The following TERF2IP variants were observed in gnomAD, a reference collection of about 807,000 sequenced individuals.
TERF2IP encodes TERF2 interacting protein.
TERF2IP carries 35 observed loss-of-function variants against 33.3 expected under a neutral mutation model. The observed-to-expected ratio is 1.05, with a 90% CI of 0.80 to 1.39. The LOEUF (loss-of-function observed/expected upper bound fraction) is 1.39. TERF2IP is among the 40% of genes most tolerant of loss of function. TERF2IP has a pLI of 0.00. For missense variants in TERF2IP, 583 were observed against 524.8 expected (o/e 1.11, Z -1.08); for synonymous variants, 253 against 223.2 (o/e 1.13, Z -1.19).
intron 1 of TERF2IP, among the ~76,000 whole-genome samples, chr16:75,652,770 CATT>C (rs1332050673): frequency 2.0e-5 from 3 of 152,112 alleles, no homozygotes; most frequent in Non-Finnish European, 4.4e-5. Context: ...TGTTCAGTGG[CATT>C]ATTAAGTGCA....
Position 75,656,632 on chromosome 16 carries a change from GAA to G in TERF2IP, c.*26_*27del. On this transcript the variant is annotated 3_prime_UTR_variant, in exon 3 of 3. Coordinates refer to ENST00000300086, the MANE Select transcript of TERF2IP (RefSeq NM_018975.4). Reference sequence around the variant, plus strand: ...AATAATTGGCAAGATAATGAGAAAAGAAAAAAGTCATGGTAGGTGAGGTGGTT... The same window carrying G: ...AATAATTGGCAAGATAATGAGAAAAGAAAAGTCATGGTAGGTGAGGTGGTT... The G allele has an allele frequency of 6.4e-7, 1 of 1,567,468 alleles. No individual in the cohort carries two copies. The highest frequency in any genetic ancestry group is 8.6e-7 in the Non-Finnish European group (1 of 1,159,482).
intron 2 of TERF2IP, among the ~76,000 whole-genome samples, chr16:75,654,907 T>A (rs562176272): frequency 9.0e-4 from 137 of 152,268 alleles, no homozygotes; most frequent in African/African-American, 3.1e-3. Context: ...TATTTGTATT[T>A]TTAGTAGAGA....
intron 2 of TERF2IP, 134 bp from the exon 3 acceptor site, chr16:75,656,073 A>T: frequency 4.8e-6 from 4 of 828,534 alleles, no homozygotes. Flanking sequence ...AACACAGCAT[A>T]TTAAGAGGAA....
chr16:75,648,752 T>C, intron 1 of TERF2IP, 200 bp downstream of exon 1: 1 of 1,400,062 alleles, frequency 7.1e-7, no homozygotes, highest in Non-Finnish European at 9.3e-7. Flanking sequence ...TTGCGATGGG[T>C]CTCTGTTACC....
intron 2 of TERF2IP, among the ~76,000 whole-genome samples, chr16:75,654,995 T>C (rs1277138488): frequency 6.6e-6 from 1 of 152,146 alleles, no homozygotes; most frequent in Non-Finnish European, 1.5e-5. Flanking sequence ...CCCAAAGTGC[T>C]GGGATTACAG....
Position 75,656,651 on chromosome 16 carries a change from G to T in TERF2IP, c.*40G>T. The T allele has an allele frequency of 6.5e-7, 1 of 1,536,210 alleles. No individual in the cohort carries two copies. Among genetic ancestry groups the T allele is most frequent in the South Asian group, 1.3e-5 (1 of 77,924 alleles). On this transcript the variant is annotated 3_prime_UTR_variant, in exon 3 of 3. Transcript: ENST00000300086. ...AGAAAAGAAAAAAGTCATGGTAGGT[G>T]AGGTGGTTAAAAAAAATTGTGACCA... is the stretch of plus-strand genomic sequence containing the variant.
chr16:75,649,388 A>G (rs1339178354), intron 1 of TERF2IP, among the ~76,000 whole-genome samples: 1 of 152,074 alleles, frequency 6.6e-6, no homozygotes, highest in Non-Finnish European at 1.5e-5. Flanking sequence ...TACTAAAAAT[A>G]CAAAAATTAG....
At chr16:75,653,229 A>G (rs954861729) in intron 1 of TERF2IP, among the ~76,000 whole-genome samples, 2 of 152,208 alleles carry the variant, frequency 1.3e-5, no homozygotes, top group African/African-American at 2.4e-5. Flanking sequence ...GAACATGGGT[A>G]TAACTAGTAT....
chr16:75,651,388 A>G (rs143902244), intron 1 of TERF2IP, among the ~76,000 whole-genome samples: 173 of 152,298 alleles, frequency 1.1e-3, no homozygotes, highest in Non-Finnish European at 1.5e-3. Flanking sequence ...ATAGTCTGTT[A>G]TTAAATGAAA....
At position 75,647,801 on chromosome 16, in the gene TERF2IP, G is replaced by C; in HGVS notation, c.-82G>C. ...GCTGCGCTTCGCGGCAGAGGCGTCT[G>C]CGGTGACAGCTCAGTCAGTTGAGCT... On this transcript the variant is annotated 5_prime_UTR_variant, in exon 1 of 3. Coordinates refer to ENST00000300086, the MANE Select transcript of TERF2IP (RefSeq NM_018975.4). 6.3e-7 allele frequency: 1 copy of C among 1,592,066 alleles called. No individual in the cohort carries two copies. The highest frequency in any genetic ancestry group is 1.7e-5 in the Admixed American group (1 of 58,940).
At position 75,648,569 on chromosome 16, in the gene TERF2IP, C is replaced by G; in HGVS notation, c.670+17C>G. The G allele has an allele frequency of 1.3e-6, 2 of 1,515,250 alleles. No individual in the cohort carries two copies. Among genetic ancestry groups the G allele is most frequent in the Non-Finnish European group, 1.8e-6 (2 of 1,126,958 alleles). The allele number at this position is 1,515,250 out of a possible 1,614,324, so 93.9% of individuals were successfully genotyped here. ...ATAGCGGGGGTGAGGAGGCTGAGCG[C>G]GGGGCCTCGCGGATATCTGCGCGGG... On this transcript the variant is annotated intron_variant, in intron 1 of 2. Coordinates refer to ENST00000300086, the MANE Select transcript of TERF2IP (RefSeq NM_018975.4).
rs1029650403 is a variant in TERF2IP, at chr16:75,656,131, A to C, written c.796-76A>C. 6 of 1,416,008 alleles carry C rather than the reference A, an allele frequency of 4.2e-6. No individual in the cohort carries two copies. In the South Asian group the frequency reaches 6.9e-5, roughly 16 times the overall value. 87.7% of individuals were successfully genotyped at this position (1,416,008 alleles called of 1,614,324 possible). On this transcript the variant is annotated intron_variant, in intron 2 of 2. Coordinates refer to ENST00000300086, the MANE Select transcript of TERF2IP (RefSeq NM_018975.4). ...GGAATGCAGAGGGCAAGGGGGTGAT[A>C]GTTGGAAGAGACCAGATATTGTAAG...
chr16:75,650,857 C>A (rs1454486558), intron 1 of TERF2IP, among the ~76,000 whole-genome samples: 1 of 152,038 alleles, frequency 6.6e-6, no homozygotes, highest in African/African-American at 2.4e-5. Flanking sequence ...CTTTTAAATC[C>A]GTGATGTTGG....
chr16:75,648,679 C>T (rs866858893), intron 1 of TERF2IP, 127 bp downstream of exon 1: 1 of 1,433,916 alleles, frequency 7.0e-7, no homozygotes, highest in East Asian at 2.5e-5. Context: ...CTGTTGACAT[C>T]CGGGTAAATT....
Position 75,647,941 on chromosome 16 carries a change from TG to T in TERF2IP, c.60del (p.Phe21SerfsTer2). 1 of 1,613,328 alleles carries T rather than the reference TG, an allele frequency of 6.2e-7. No individual in the cohort carries two copies. Among genetic ancestry groups the T allele is most frequent in the Non-Finnish European group, 8.5e-7 (1 of 1,179,468 alleles). ...DPNGPTHSST[L>X]FVRDDGSSMS... ...AACGGGCCCACCCATTCCTCGACTC[TG>T]TTCGTGAGGGACGACGGCAGCTCCA... On this transcript the variant is annotated frameshift_variant, in exon 1 of 3. Coordinates refer to ENST00000300086, the MANE Select transcript of TERF2IP (RefSeq NM_018975.4). LOFTEE classifies it high-confidence loss of function.
intron 1 of TERF2IP, 197 bp downstream of exon 1, chr16:75,648,749 G>T (rs1241497528): frequency 7.1e-7 from 1 of 1,405,412 alleles, no homozygotes; most frequent in Non-Finnish European, 9.3e-7. Context: ...TTTTTGCGAT[G>T]GGTCTCTGTT....
Position 75,656,190 on chromosome 16 carries a change from C to G in TERF2IP, c.796-17C>G, listed in dbSNP as rs368565137. On this transcript the variant is annotated splice_polypyrimidine_tract_variant and intron_variant, in intron 2 of 2. Transcript: ENST00000300086. ...ACTTGGTGATTAGGAGCTGGTTTTA[C>G]TCATCATTCTGTCTAGGTGGATGAG... 6.4e-7 allele frequency: 1 copy of G among 1,567,714 alleles called. No individual in the cohort carries two copies. Among genetic ancestry groups the G allele is most frequent in the Non-Finnish European group, 8.6e-7 (1 of 1,159,120 alleles).
chr16:75,654,526 G>C (rs2082370513), intron 2 of TERF2IP, 129 bp downstream of exon 2: 1 of 938,888 alleles, frequency 1.1e-6, no homozygotes. Flanking sequence ...GATGGAAAGG[G>C]AAAATGGAAA....
At chr16:75,656,098 G>A in intron 2 of TERF2IP, 109 bp from the exon 3 acceptor site, 1 of 1,056,346 alleles carries the variant, frequency 9.5e-7, no homozygotes, top group Non-Finnish European at 1.4e-6. Context: ...AGGAAGTCCA[G>A]TGTGATTGGA....
Sources: gnomAD v4.1 joint callset for allele counts (sites outside exome capture counted in the v4.1 genomes callset) on GRCh38, gnomAD v4.1.1 for gene constraint, MANE v1.5 for transcripts, NCBI Gene and HGNC (gene_info 2026-07-23, HGNC 2026-07-21) for gene names.